The following PRRC2B variants were observed in gnomAD, a reference collection of about 807,000 sequenced individuals.
PRRC2B encodes the protein protein PRRC2B.
A neutral mutation model predicts 242.3 loss-of-function variants in PRRC2B; 68 were observed. That is an observed-to-expected ratio of 0.28 (90% confidence interval 0.23 to 0.34). The LOEUF (loss-of-function observed/expected upper bound fraction) is 0.34, where lower values mean the gene tolerates loss of function less well. PRRC2B is among the 10% of genes least tolerant of loss of function. PRRC2B has a pLI of 1.00. For missense variants in PRRC2B, 2,835 were observed against 2,954.8 expected, an observed-to-expected ratio of 0.96 and a Z score of 0.94; for synonymous variants, 1,228 against 1,173.6, an observed-to-expected ratio of 1.05 and a Z score of -0.95.
intron 1 of PRRC2B, among the ~76,000 whole-genome samples, chr9:131,415,029 G>T (rs1468991628): frequency 6.6e-6 from 1 of 152,092 alleles, no homozygotes; most frequent in South Asian, 2.1e-4. Context: ...GTTTCACTCT[G>T]TTGCCCACGC....
intron 1 of PRRC2B, among the ~76,000 whole-genome samples, chr9:131,400,222 C>T (rs901589874): frequency 6.6e-6 from 1 of 152,050 alleles, no homozygotes; most frequent in African/African-American, 2.4e-5. Flanking sequence ...TAGCTGGGAT[C>T]CTATAGGCAT....
chr9:131,489,179 A>G (rs1279564671), intron 28 of PRRC2B, among the ~76,000 whole-genome samples: 1 of 150,226 alleles, frequency 6.7e-6, no homozygotes, highest in East Asian at 1.9e-4. Flanking sequence ...CCCAACTCCA[A>G]AATTCTTTTT....
intron 1 of PRRC2B, among the ~76,000 whole-genome samples, chr9:131,380,205 A>G (rs939585463): frequency 5.3e-5 from 8 of 151,344 alleles, no homozygotes; most frequent in Admixed American, 1.3e-4. Flanking sequence ...GCAGTGAGCT[A>G]TGATCATGCC....
intron 1 of PRRC2B, among the ~76,000 whole-genome samples, chr9:131,374,236 A>T (rs997027459): frequency 3.3e-5 from 5 of 152,092 alleles, no homozygotes; most frequent in Non-Finnish European, 7.4e-5. Context: ...TCACTCGTCC[A>T]TACTGTGAGT....
rs1200168862 is a variant in PRRC2B, at chr9:131,482,803, G to A, written c.5269G>A (p.Ala1757Thr). The A allele has an allele frequency of 6.2e-7, 1 of 1,610,178 alleles. No homozygotes were observed. Among genetic ancestry groups the A allele is most frequent in the South Asian group, 1.1e-5 (1 of 90,302 alleles). The change falls in exon 22 of 32, where the codon GCC (alanine) becomes ACC (threonine). Residue 1757 changes from alanine (A) to threonine (T), a missense_variant. Transcript: ENST00000683519. The surrounding 1 kb of genome is among the most constrained non-coding windows in gnomAD (Gnocchi z 5.2). ...GAAAAACAGAAAGGGCTCGGAGGGG[G>A]CCGAGCGGCTGCAAGGGGCTGTCGT... is the stretch of plus-strand genomic sequence containing the variant. Reference protein sequence around the residue: ...SLKNRKGSEGAERLQGAVVPP... With the variant: ...SLKNRKGSEGTERLQGAVVPP...
chr9:131,385,245 G>A (rs1836812258), intron 1 of PRRC2B, among the ~76,000 whole-genome samples: 1 of 149,616 alleles, frequency 6.7e-6, no homozygotes, highest in African/African-American at 2.4e-5. Flanking sequence ...GGAGGCTGAG[G>A]CAGGAGAATC....
At chr9:131,373,720 C>G (rs1260878546) in exon 1 of PRRC2B, 1 of 152,298 alleles carries the variant, frequency 6.6e-6, no homozygotes, top group Non-Finnish European at 1.5e-5. Context: ...GCGGAGGCAG[C>G]ACCCACGCCA....
rs994634233 is a variant in PRRC2B, at chr9:131,499,148, G to T, written c.*3274G>T. 3.9e-5 allele frequency: 6 copies of T among 152,230 alleles called. No individual in the cohort carries two copies. The highest frequency in any genetic ancestry group is 1.4e-4 in the African/African-American group (6 of 41,456). The allele number at this position is 152,230 out of a possible 1,614,324, so 9.4% of individuals were successfully genotyped here. ...ACTTCTAGGGACACTGGGGAACCTT[G>T]TTAAACGTTGACATCAGTGCTCTCC... On this transcript the variant is annotated 3_prime_UTR_variant, in exon 32 of 32. Coordinates refer to ENST00000683519, the MANE Select transcript of PRRC2B (RefSeq NM_013318.4).
intron 5 of PRRC2B, among the ~76,000 whole-genome samples, chr9:131,440,889 C>T (rs567644087): frequency 3.3e-5 from 5 of 152,042 alleles, no homozygotes; most frequent in South Asian, 2.1e-4. Context: ...TGCTTGAGTC[C>T]GGTAGTTCGA....
At chr9:131,420,493 CTTTT>C (rs146073511) in intron 1 of PRRC2B, among the ~76,000 whole-genome samples, 29 of 30,162 alleles carry the variant, frequency 9.6e-4, no homozygotes, top group African/African-American at 2.5e-3. Context: ...TTCTTTCTTT[CTTTT>C]TTTTTTTTTT....
intron 3 of PRRC2B, among the ~76,000 whole-genome samples, chr9:131,434,567 C>G (rs1838281577): frequency 6.6e-6 from 1 of 152,248 alleles, no homozygotes; most frequent in Non-Finnish European, 1.5e-5. Flanking sequence ...TACTTGGAAG[C>G]TTCTCTTTTA....
At chr9:131,419,601 T>C (rs975939175) in intron 1 of PRRC2B, among the ~76,000 whole-genome samples, 3 of 152,136 alleles carry the variant, frequency 2.0e-5, no homozygotes, top group African/African-American at 7.2e-5. Flanking sequence ...ACAGCCGCCA[T>C]TGGTCGAGTG....
rs1943347757 is a variant in PRRC2B, at chr9:131,464,888, G to A, written c.1530G>A (p.Arg510=). 1 of 1,613,600 alleles carries A rather than the reference G, an allele frequency of 6.2e-7. No homozygotes were observed. The highest frequency in any genetic ancestry group is 8.5e-7 in the Non-Finnish European group (1 of 1,179,774). The change falls in exon 12 of 32, where the codon CGG becomes CGA. Residue 510 remains arginine (R), a synonymous_variant. Coordinates refer to ENST00000683519, the MANE Select transcript of PRRC2B (RefSeq NM_013318.4). ...CGGTGGAGCGAGCCCGAAAGCGCCG[G>A]GAAGAAGAGGAGCGCCGAGCCCGGG... ...SEAVERARKR[R]EEEERRAREE...
At chr9:131,478,642 GCA>G in intron 18 of PRRC2B, 23 bp downstream of exon 18, 2 of 482,032 alleles carry the variant, frequency 4.1e-6, no homozygotes, top group South Asian at 1.6e-5. Context: ...GGGTGGGGGG[GCA>G]TGGGGCTGGA....
intron 1 of PRRC2B, among the ~76,000 whole-genome samples, chr9:131,417,690 C>G (rs1837695847): frequency 6.6e-6 from 1 of 152,142 alleles, no homozygotes; most frequent in African/African-American, 2.4e-5. Context: ...ATGAGCTGTA[C>G]AAGCCCTCAG....
At chr9:131,472,216 A>G (rs189655718) in intron 14 of PRRC2B, among the ~76,000 whole-genome samples, 20 of 152,264 alleles carry the variant, frequency 1.3e-4, no homozygotes, top group African/African-American at 4.8e-4. Context: ...GTATCTTTGT[A>G]TCTACAAGAT....
At chr9:131,378,201 C>T (rs554608379) in intron 1 of PRRC2B, among the ~76,000 whole-genome samples, 5 of 150,764 alleles carry the variant, frequency 3.3e-5, no homozygotes, top group East Asian at 3.9e-4. Context: ...CCCAGCTACT[C>T]GGGAGGCTGA....
upstream of PRRC2B, among the ~76,000 whole-genome samples, chr9:131,390,821 C>T (rs1460769570): frequency 8.1e-6 from 1 of 123,348 alleles, no homozygotes; most frequent in Non-Finnish European, 1.6e-5. Flanking sequence ...GAGTCTCGCT[C>T]TGTCGCCCAG....
chr9:131,375,394 G>A (rs983619813), intron 1 of PRRC2B, among the ~76,000 whole-genome samples: 4 of 151,754 alleles, frequency 2.6e-5, no homozygotes, highest in East Asian at 1.9e-4. Context: ...GCAAGACTCT[G>A]TCTCAAAAAA....
Sources: allele counts gnomAD v4.1 joint callset (sites outside exome capture counted in the v4.1 genomes callset), GRCh38; gene constraint gnomAD v4.1.1; non-coding constraint Gnocchi (gnomAD v3.1); transcripts MANE v1.5; gene names NCBI Gene and HGNC (gene_info 2026-07-23, HGNC 2026-07-21).